CDH12: variants seen among roughly 807,000 people sequenced by gnomAD.
CDH12 encodes the protein cadherin-12.
A neutral mutation model predicts 74.1 loss-of-function variants in CDH12; 41 were observed. The ratio of observed to expected loss-of-function variants is 0.55; its 90% CI spans 0.43 to 0.72. The LOEUF (loss-of-function observed/expected upper bound fraction) is 0.72. Among genes scored for constraint, CDH12 ranks in the 30% least tolerant of loss-of-function variants. The pLI is 0.00. For synonymous variants in CDH12, 399 were observed against 355.0 expected, an observed-to-expected ratio of 1.12 and a Z score of -1.39; for missense variants, 945 against 977.2, an observed-to-expected ratio of 0.97 and a Z score of 0.44.
intron 3 of CDH12, among the ~76,000 whole-genome samples, chr5:22,241,257 TA>T (rs1470780096): frequency 6.6e-6 from 1 of 152,052 alleles, no homozygotes; most frequent in African/African-American, 2.4e-5. Flanking sequence ...ACAAAGGCCA[TA>T]ACGTATTTTC....
At chr5:22,849,337 G>A (rs1381377955) in intron 1 of CDH12, among the ~76,000 whole-genome samples, 2 of 152,122 alleles carry the variant, frequency 1.3e-5, no homozygotes, top group African/African-American at 4.8e-5. Flanking sequence ...TGTAGACGGT[G>A]CATCAGGACT....
chr5:22,646,625 C>A (rs949308349), intron 1 of CDH12, among the ~76,000 whole-genome samples: 1 of 151,776 alleles, frequency 6.6e-6, no homozygotes, highest in Non-Finnish European at 1.5e-5. Context: ...ATAAACAAAG[C>A]AAATATTAGT....
chr5:22,542,099 T>C (rs542904618), intron 1 of CDH12, among the ~76,000 whole-genome samples: 6 of 152,326 alleles, frequency 3.9e-5, no homozygotes, highest in East Asian at 1.9e-4. Flanking sequence ...TTTTAAAAGA[T>C]GGTATTTTCC....
intron 6 of CDH12, among the ~76,000 whole-genome samples, chr5:21,973,771 C>A (rs1373167509): frequency 2.0e-5 from 3 of 152,116 alleles, no homozygotes; most frequent in African/African-American, 7.2e-5. Context: ...ATTTTTCTCC[C>A]TGTAAAATCA....
At chr5:21,859,615 G>T (rs573154442) in intron 6 of CDH12, among the ~76,000 whole-genome samples, 1 of 152,064 alleles carries the variant, frequency 6.6e-6, no homozygotes, top group East Asian at 1.9e-4. Flanking sequence ...CAAACTTCTT[G>T]CTTCCTGTTT....
chr5:21,809,585 GA>G (rs1747633733), intron 9 of CDH12, among the ~76,000 whole-genome samples: 1 of 152,056 alleles, frequency 6.6e-6, no homozygotes, highest in African/African-American at 2.4e-5. Flanking sequence ...CCTATTTGTA[GA>G]ATCAGTAAAA....
At chr5:22,300,321 T>C (rs190331670) in intron 3 of CDH12, among the ~76,000 whole-genome samples, 1 of 152,302 alleles carries the variant, frequency 6.6e-6, no homozygotes, top group Admixed American at 6.5e-5. Flanking sequence ...CTGGTTCCTC[T>C]CCTCTGTGTA....
intron 1 of CDH12, among the ~76,000 whole-genome samples, chr5:22,696,926 C>T (rs1742399144): frequency 6.6e-6 from 1 of 151,522 alleles, no homozygotes; most frequent in African/African-American, 2.4e-5. Context: ...GTCTCTAGCA[C>T]TGAAACCAAG....
At chr5:22,825,779 T>C (rs1736287886) in intron 1 of CDH12, among the ~76,000 whole-genome samples, 1 of 152,098 alleles carries the variant, frequency 6.6e-6, no homozygotes, top group Non-Finnish European at 1.5e-5. Flanking sequence ...GACCCAACTC[T>C]CCTATTGGGA....
chr5:21,778,364 A>T (rs918335780), intron 11 of CDH12, among the ~76,000 whole-genome samples: 1 of 148,088 alleles, frequency 6.8e-6, no homozygotes, highest in East Asian at 2.0e-4. Context: ...AATATAGTTT[A>T]TTACTTTATT....
chr5:22,375,009 C>A (rs1180535274), intron 3 of CDH12, among the ~76,000 whole-genome samples: 1 of 151,748 alleles, frequency 6.6e-6, no homozygotes, highest in African/African-American at 2.4e-5. Context: ...CAATACTGAG[C>A]AAAATATATG....
At chr5:22,793,524 T>A (rs1748025935) in intron 1 of CDH12, among the ~76,000 whole-genome samples, 1 of 152,208 alleles carries the variant, frequency 6.6e-6, no homozygotes, top group Non-Finnish European at 1.5e-5. Flanking sequence ...TTACGTGGTT[T>A]TGAATCCATA....
intron 1 of CDH12, among the ~76,000 whole-genome samples, chr5:22,669,439 A>G (rs1740791595): frequency 6.6e-6 from 1 of 152,164 alleles, no homozygotes; most frequent in Non-Finnish European, 1.5e-5. Flanking sequence ...CCCATCCAAT[A>G]CATATTCTCC....
chr5:22,140,900 C>T (rs1250604199), intron 4 of CDH12, among the ~76,000 whole-genome samples: 1 of 152,174 alleles, frequency 6.6e-6, no homozygotes, highest in East Asian at 1.9e-4. Flanking sequence ...GTCCTCCTCA[C>T]ATTTCAGGTC....
intron 2 of CDH12, among the ~76,000 whole-genome samples, chr5:22,470,703 C>T (rs986847631): frequency 2.0e-5 from 3 of 152,102 alleles, no homozygotes; most frequent in East Asian, 3.9e-4. Context: ...CAAGCATGAG[C>T]CACCTTGCCC....
chr5:22,699,679 T>C (rs1383030793), intron 1 of CDH12, among the ~76,000 whole-genome samples: 4 of 152,112 alleles, frequency 2.6e-5, no homozygotes, highest in Non-Finnish European at 5.9e-5. Context: ...AACTCACAAA[T>C]GTACATGTAA....
intron 2 of CDH12, among the ~76,000 whole-genome samples, chr5:22,453,885 T>C (rs1036095292): frequency 6.6e-6 from 1 of 152,138 alleles, no homozygotes; most frequent in African/African-American, 2.4e-5. Context: ...TATTTTAATA[T>C]TTATATGATT....
intron 1 of CDH12, among the ~76,000 whole-genome samples, chr5:22,795,296 T>C (rs2126397805): frequency 6.6e-6 from 1 of 152,234 alleles, no homozygotes; most frequent in African/African-American, 2.4e-5. Flanking sequence ...TTTGTCGAAA[T>C]GGTTCTTCTC....
At chr5:21,804,665 C>T (rs1281700542) in intron 9 of CDH12, among the ~76,000 whole-genome samples, 57 of 150,800 alleles carry the variant, frequency 3.8e-4, no homozygotes, top group African/African-American at 1.0e-3. Context: ...CACACACACA[C>T]ACACACACAC....
Sources: gnomAD v4.1 joint callset for allele counts (sites outside exome capture counted in the v4.1 genomes callset) on GRCh38, gnomAD v4.1.1 for gene constraint, MANE v1.5 for transcripts, NCBI Gene and HGNC (gene_info 2026-07-23, HGNC 2026-07-21) for gene names.